Variants in MAP2 observed in about 807,000 individuals in gnomAD.
MAP2 encodes microtubule-associated protein 2.
In MAP2, 14 loss-of-function variants were observed where a neutral mutation model predicts 137.6. That is an observed-to-expected ratio of 0.10 (90% CI 0.07 to 0.16). MAP2 has a LOEUF of 0.16. Ranked by LOEUF, MAP2 falls within the 10% of genes least tolerant of loss-of-function variation. The pLI, the probability that MAP2 is intolerant of heterozygous loss-of-function variation, is 1.00. For missense variants in MAP2, 2,088 were observed against 2,191.5 expected (o/e 0.95, Z 0.94); for synonymous variants, 786 against 782.3 (o/e 1.00, Z -0.08).
Position 209,457,867 on chromosome 2 carries a change from C to A in MAP2, c.-222+33591C>A, listed in dbSNP as rs549138435. ...TTAAGTTAGGATGATCCAAAGTGAA[C>A]CACAAACCATGGGCCACAGTATGCT... On this transcript the variant is annotated intron_variant, in intron 1 of 15. Coordinates refer to ENST00000682079, the MANE Select transcript of MAP2 (RefSeq NM_001375505.1). 5.9e-5 allele frequency among the ~76,000 whole-genome samples: 9 copies of A among 152,248 alleles called. No individual in the cohort carries two copies. In the East Asian group the frequency reaches 1.7e-3, roughly 29 times the overall value.
intron 1 of MAP2, among the ~76,000 whole-genome samples, chr2:209,476,535 AAAACTGGGCAG>A (rs1707283310): frequency 6.6e-6 from 1 of 152,120 alleles, no homozygotes; most frequent in South Asian, 2.1e-4. Context: ...AATGGTGATT[AAAACTGGGCAG>A]AAAGCCCAAT....
At chr2:209,538,392 A>G (rs1210233745) in intron 2 of MAP2, among the ~76,000 whole-genome samples, 1 of 152,164 alleles carries the variant, frequency 6.6e-6, no homozygotes, top group African/African-American at 2.4e-5. Context: ...CCATATTTAT[A>G]TCATTTGTTC....
chr2:209,713,413 T>C lies in MAP2; in HGVS notation c.5073+3159T>C, dbSNP rs573342642. Among the ~76,000 whole-genome samples the C allele has an allele frequency of 5.9e-5, 9 of 152,292 alleles. No individual in the cohort carries two copies. In the South Asian group the frequency reaches 1.9e-3, roughly 32 times the overall value. ...CAGCTCAGTGAGTCACATCAATGCC[T>C]AATGGAATAGATAAGCTAGCTGAAG... On this transcript the variant is annotated intron_variant, in intron 13 of 15. Transcript: ENST00000682079.
At position 209,694,834 on chromosome 2, in the gene MAP2, T is replaced by A. The variant is rs777811327; in HGVS notation, c.2664T>A (p.Asn888Lys). Reference sequence around the variant, plus strand: ...CATCACCTGTTCAAGACAGTGAGAATTTATCAGGGGAGAGTGGTACCTTTT... The same window carrying A: ...CATCACCTGTTCAAGACAGTGAGAAATTATCAGGGGAGAGTGGTACCTTTT... ...PLPSPVQDSE[N>K]LSGESGTFYE... The change falls in exon 8 of 16, where the codon AAT (asparagine) becomes AAA (lysine). Residue 888 changes from asparagine (N) to lysine (K), a missense_variant. Physicochemically the swap from Asn to Lys is moderately conservative, Grantham distance 94. Transcript: ENST00000682079. 4 of 1,614,184 alleles carry A rather than the reference T, an allele frequency of 2.5e-6. No individual in the cohort carries two copies. Among genetic ancestry groups the A allele is most frequent in the Non-Finnish European group, 3.4e-6 (4 of 1,180,026 alleles).
intron 7 of MAP2, among the ~76,000 whole-genome samples, chr2:209,685,302 T>G (rs2056592597): frequency 1.3e-5 from 2 of 152,184 alleles, no homozygotes; most frequent in Admixed American, 1.3e-4. Context: ...CAAATAAATA[T>G]TCCATTTATT....
intron 1 of MAP2, among the ~76,000 whole-genome samples, chr2:209,495,546 G>A (rs1327049458): frequency 1.3e-5 from 2 of 152,186 alleles, no homozygotes; most frequent in Non-Finnish European, 2.9e-5. Context: ...AGGCAAAGAG[G>A]GTCTGGAGTG....
chr2:209,431,218 A>T (rs1347711177), intron 1 of MAP2, among the ~76,000 whole-genome samples: 7 of 152,252 alleles, frequency 4.6e-5, no homozygotes, highest in Admixed American at 1.3e-4. Flanking sequence ...GTTCTCCATT[A>T]AAAAAATGGC....
intron 5 of MAP2, among the ~76,000 whole-genome samples, chr2:209,667,827 C>A (rs1482036661): frequency 1.3e-5 from 2 of 151,840 alleles, no homozygotes; most frequent in Non-Finnish European, 2.9e-5. Context: ...TAGGACCGGC[C>A]CTATGCAGAA....
chr2:209,500,943 G>A (rs116567549), intron 1 of MAP2, among the ~76,000 whole-genome samples: 4,753 of 151,376 alleles, frequency 0.031, 249 homozygotes, highest in African/African-American at 0.11. Flanking sequence ...AGGCTGAGGC[G>A]GGAGGATCAT....
At chr2:209,470,428 T>C (rs1705368350) in intron 1 of MAP2, among the ~76,000 whole-genome samples, 1 of 151,430 alleles carries the variant, frequency 6.6e-6, no homozygotes. Flanking sequence ...ACTTCTCTTC[T>C]GCCTTACTTA....
At chr2:209,718,741 G>T (rs954534433) in intron 13 of MAP2, among the ~76,000 whole-genome samples, 1 of 152,154 alleles carries the variant, frequency 6.6e-6, no homozygotes, top group African/African-American at 2.4e-5. Context: ...CTTCCTAAAT[G>T]TGTATTTAAA....
At chr2:209,521,952 T>G (rs1001402140) in intron 2 of MAP2, among the ~76,000 whole-genome samples, 1 of 152,146 alleles carries the variant, frequency 6.6e-6, no homozygotes, top group East Asian at 1.9e-4. Flanking sequence ...GAAAAATCTT[T>G]TGACAAGCCA....
chr2:209,493,654 T>C (rs2059399590), intron 1 of MAP2, among the ~76,000 whole-genome samples: 1 of 152,166 alleles, frequency 6.6e-6, no homozygotes, highest in Admixed American at 6.5e-5. Flanking sequence ...AAGTAAGACA[T>C]TTATGTGGCC....
rs376263721 is a variant in MAP2, at chr2:209,694,417, C to G, written c.2247C>G (p.Thr749=). ...MDEGDDYLPA[T]TPALEKAPCF... ...AAGGGGATGATTACCTTCCAGCCAC[C>G]ACACCTGCACTGGAGAAAGCCCCTT... The change falls in exon 8 of 16, where the codon ACC becomes ACG. Residue 749 remains threonine (T), a synonymous_variant. Transcript: ENST00000682079. The G allele has an allele frequency of 1.2e-6, 2 of 1,613,952 alleles. No individual in the cohort carries two copies.
chr2:209,542,971 C>T (rs115360404), intron 2 of MAP2, among the ~76,000 whole-genome samples: 68 of 152,294 alleles, frequency 4.5e-4, no homozygotes, highest in Non-Finnish European at 8.5e-4. Context: ...TTTGCGTTCA[C>T]AATTTGGCTG....
intron 2 of MAP2, among the ~76,000 whole-genome samples, chr2:209,530,574 A>G (rs2064965185): frequency 6.6e-6 from 1 of 152,226 alleles, no homozygotes; most frequent in Non-Finnish European, 1.5e-5. Context: ...TTAATTTGAG[A>G]TTTTAAAGTT....
intron 2 of MAP2, among the ~76,000 whole-genome samples, chr2:209,524,576 C>A (rs2063752929): frequency 6.6e-6 from 1 of 151,910 alleles, no homozygotes; most frequent in Non-Finnish European, 1.5e-5. Context: ...AATATGTTAC[C>A]AGGTAATATA....
At chr2:209,591,528 T>C (rs2079248757) in intron 3 of MAP2, among the ~76,000 whole-genome samples, 2 of 152,216 alleles carry the variant, frequency 1.3e-5, no homozygotes, top group South Asian at 4.1e-4. Flanking sequence ...TAGGTATATA[T>C]TTGAATGAGA....
chr2:209,454,665 C>T (rs1364846642), intron 1 of MAP2, among the ~76,000 whole-genome samples: 1 of 152,158 alleles, frequency 6.6e-6, no homozygotes, highest in African/African-American at 2.4e-5. Flanking sequence ...GTAAATTCCA[C>T]TGCATAGCAA....
Sources: gnomAD v4.1 joint callset for allele counts (sites outside exome capture counted in the v4.1 genomes callset) on GRCh38, gnomAD v4.1.1 for gene constraint, MANE v1.5 for transcripts, NCBI Gene and HGNC (gene_info 2026-07-23, HGNC 2026-07-21) for gene names.